MAP4K3: variants seen among roughly 807,000 people sequenced by gnomAD.
MAP4K3 encodes the protein mitogen-activated protein kinase kinase kinase kinase 3.
MAP4K3 carries 94 observed loss-of-function variants against 143.5 expected under a neutral mutation model. The ratio of observed to expected loss-of-function variants is 0.65; its 90% confidence interval spans 0.55 to 0.78. The LOEUF (loss-of-function observed/expected upper bound fraction) is 0.78. Ranked by LOEUF, MAP4K3 falls within the 30% of genes least tolerant of loss-of-function variation. The probability of loss-of-function intolerance (pLI) is 0.00; values close to 1 mark genes in which losing one functional copy is unlikely to be tolerated. For missense variants in MAP4K3, 1,077 were observed against 1,068.1 expected (o/e 1.01, Z -0.12); for synonymous variants, 416 against 347.2 (o/e 1.20, Z -2.20).
intron 18 of MAP4K3, among the ~76,000 whole-genome samples, chr2:39,292,461 G>A (rs918191230): frequency 6.6e-6 from 1 of 152,162 alleles, no homozygotes; most frequent in Non-Finnish European, 1.5e-5. Flanking sequence ...GAAAGGCCAC[G>A]TGAAGACATG....
chr2:39,285,426 G>A (rs1476088558), intron 21 of MAP4K3, among the ~76,000 whole-genome samples: 1 of 152,068 alleles, frequency 6.6e-6, no homozygotes, highest in Non-Finnish European at 1.5e-5. Context: ...ATTTTATACT[G>A]TGTTACAGTC....
At chr2:39,275,747 G>A (rs912176534) in intron 24 of MAP4K3, among the ~76,000 whole-genome samples, 3 of 152,076 alleles carry the variant, frequency 2.0e-5, no homozygotes, top group Non-Finnish European at 2.9e-5. Flanking sequence ...AAGATTTACA[G>A]TATATCATAC....
chr2:39,366,552 G>C (rs1464919206), intron 2 of MAP4K3, among the ~76,000 whole-genome samples: 2 of 152,210 alleles, frequency 1.3e-5, no homozygotes, highest in Non-Finnish European at 2.9e-5. Context: ...AATTCAGAAA[G>C]GGAAGAGGGC....
chr2:39,304,222 A>T (rs1682612197), intron 15 of MAP4K3, among the ~76,000 whole-genome samples: 2 of 152,116 alleles, frequency 1.3e-5, no homozygotes, highest in South Asian at 4.1e-4. Flanking sequence ...ATTCACTTAC[A>T]AAATCACAAA....
intron 1 of MAP4K3, among the ~76,000 whole-genome samples, chr2:39,415,418 TAGAAAC>T (rs1418810897): frequency 1.3e-5 from 2 of 152,144 alleles, no homozygotes; most frequent in East Asian, 1.9e-4. Flanking sequence ...AATTATTACT[TAGAAAC>T]AGACTTACGG....
chr2:39,287,127 A>G lies in MAP4K3; in HGVS notation c.1475-163T>C, dbSNP rs145575810. Among the ~76,000 whole-genome samples, 116 of 152,350 alleles carry G rather than the reference A, an allele frequency of 7.6e-4. No homozygotes were observed. In the East Asian group the frequency reaches 0.018, roughly 24 times the overall value. Reference sequence around the variant, plus strand: ...ACTATGAAAGTAAGACGTCATTTATATATATGTTCTTCTATTTATACCTCT... The same window carrying G: ...ACTATGAAAGTAAGACGTCATTTATGTATATGTTCTTCTATTTATACCTCT... On this transcript the variant is annotated intron_variant, in intron 20 of 33. Coordinates refer to ENST00000263881, the MANE Select transcript of MAP4K3 (RefSeq NM_003618.4).
At chr2:39,389,573 G>T (rs544191939) in intron 1 of MAP4K3, among the ~76,000 whole-genome samples, 1 of 152,142 alleles carries the variant, frequency 6.6e-6, no homozygotes, top group East Asian at 1.9e-4. Context: ...ATCCACAAAA[G>T]AACAACAATT....
chr2:39,253,782 C>T (rs780806653), intron 32 of MAP4K3, among the ~76,000 whole-genome samples: 20 of 152,294 alleles, frequency 1.3e-4, no homozygotes, highest in African/African-American at 2.6e-4. Context: ...GACAATTTTA[C>T]GTGCTTGTAA....
intron 1 of MAP4K3, among the ~76,000 whole-genome samples, chr2:39,412,929 G>T (rs1363815155): frequency 6.6e-6 from 1 of 152,000 alleles, no homozygotes; most frequent in African/African-American, 2.4e-5. Context: ...TGACCAAATA[G>T]TATCTATCTG....
At chr2:39,264,649 T>C (rs1297621524) in intron 28 of MAP4K3, among the ~76,000 whole-genome samples, 5 of 152,232 alleles carry the variant, frequency 3.3e-5, no homozygotes, top group Admixed American at 6.5e-5. Context: ...TAACTGAGCC[T>C]GTACTTCACA....
intron 1 of MAP4K3, among the ~76,000 whole-genome samples, chr2:39,410,815 T>A (rs1157327595): frequency 2.0e-5 from 3 of 152,178 alleles, no homozygotes; most frequent in African/African-American, 7.2e-5. Context: ...ATTTTAGCTA[T>A]ACAAAAGGAT....
intron 1 of MAP4K3, among the ~76,000 whole-genome samples, chr2:39,388,869 C>T (rs962426344): frequency 6.6e-6 from 1 of 152,126 alleles, no homozygotes; most frequent in Non-Finnish European, 1.5e-5. Flanking sequence ...ACATCTTCAA[C>T]CCATACTCCA....
Position 39,280,258 on chromosome 2 carries a change from A to G in MAP4K3, c.1714+14T>C, listed in dbSNP as rs774766383. 9 of 1,435,472 alleles carry G rather than the reference A, an allele frequency of 6.3e-6. 1 individual carries two copies. In the South Asian group the frequency reaches 1.3e-4, roughly 21 times the overall value. 88.9% of individuals were successfully genotyped at this position (1,435,472 alleles called of 1,614,324 possible). On this transcript the variant is annotated intron_variant, in intron 23 of 33. Transcript: ENST00000263881. ...AAAATTAGGAAGATAACAGATAAAAACACACAATACTACCTCTTGTATCTG... is the reference window on the plus strand; with the variant it reads ...AAAATTAGGAAGATAACAGATAAAAGCACACAATACTACCTCTTGTATCTG...
At chr2:39,277,657 C>T (rs72925211) in intron 24 of MAP4K3, among the ~76,000 whole-genome samples, 3 of 152,046 alleles carry the variant, frequency 2.0e-5, no homozygotes, top group South Asian at 4.2e-4. Context: ...CTCCTCCTCC[C>T]GGGTTCAAGT....
chr2:39,406,707 T>C (rs1004876172), intron 1 of MAP4K3, among the ~76,000 whole-genome samples: 1 of 151,970 alleles, frequency 6.6e-6, no homozygotes, highest in Non-Finnish European at 1.5e-5. Flanking sequence ...ACACCAGACC[T>C]GTCCTACAAG....
chr2:39,272,241 T>C (rs778726926), intron 26 of MAP4K3, 42 bp downstream of exon 26: 7 of 1,378,346 alleles, frequency 5.1e-6, no homozygotes, highest in Non-Finnish European at 6.1e-6. Context: ...TTTATGAGAA[T>C]GAACTGTTAA....
At chr2:39,426,884 G>C (rs1308172031) in intron 1 of MAP4K3, among the ~76,000 whole-genome samples, 1 of 152,016 alleles carries the variant, frequency 6.6e-6, no homozygotes, top group Non-Finnish European at 1.5e-5. Context: ...GAGCTCTAAA[G>C]AGAAACAAGA....
chr2:39,389,949 A>C (rs369406074), intron 1 of MAP4K3, among the ~76,000 whole-genome samples: 23 of 152,224 alleles, frequency 1.5e-4, no homozygotes, highest in African/African-American at 5.3e-4. Flanking sequence ...GGAAATAGGA[A>C]GGTGGAAGTA....
At chr2:39,334,248 C>T (rs1683786079) in intron 6 of MAP4K3, among the ~76,000 whole-genome samples, 1 of 152,118 alleles carries the variant, frequency 6.6e-6, no homozygotes. Context: ...ATAATGATGA[C>T]TTCATCTTCA....
Sources: allele counts gnomAD v4.1 joint callset (sites outside exome capture counted in the v4.1 genomes callset), GRCh38; gene constraint gnomAD v4.1.1; transcripts MANE v1.5; gene names NCBI Gene and HGNC (gene_info 2026-07-23, HGNC 2026-07-21).